The following NCOA6 variants were observed in gnomAD, a reference collection of about 807,000 sequenced individuals.
The protein encoded by NCOA6 is NRC RAP250.
NCOA6 carries 49 observed loss-of-function variants against 171.4 expected under a neutral mutation model. That is an observed-to-expected ratio of 0.29 (90% CI 0.23 to 0.36). The LOEUF (loss-of-function observed/expected upper bound fraction) is 0.36. NCOA6 is among the 10% of genes least tolerant of loss of function. NCOA6 has a pLI of 1.00. For missense variants in NCOA6, 2,248 were observed against 2,554.5 expected (o/e 0.88, Z 2.59); for synonymous variants, 910 against 927.5 (o/e 0.98, Z 0.34).
At chr20:34,788,629 T>A (rs2077762196) in intron 2 of NCOA6, among the ~76,000 whole-genome samples, 1 of 152,144 alleles carries the variant, frequency 6.6e-6, no homozygotes, top group South Asian at 2.1e-4. Flanking sequence ...TCCTACCTCA[T>A]ATTTAGGCTT....
At chr20:34,732,792 T>C in intron 12 of NCOA6, 197 bp from the exon 13 acceptor site, 1 of 484,728 alleles carries the variant, frequency 2.1e-6, no homozygotes, top group Admixed American at 3.7e-5. Context: ...ACTTGGTCTA[T>C]TTTTATTTCT....
rs2075820914 is a variant in NCOA6, at chr20:34,732,598, G to A, written c.5963-3C>T. 1 of 1,612,396 alleles carries A rather than the reference G, an allele frequency of 6.2e-7. No individual in the cohort carries two copies. Among genetic ancestry groups the A allele is most frequent in the Non-Finnish European group, 8.5e-7 (1 of 1,178,976 alleles). On this transcript the variant is annotated splice_region_variant and splice_polypyrimidine_tract_variant and intron_variant, in intron 12 of 14. Transcript: ENST00000359003. ...TATGGCAGCATTTACCTCCAGCTCT[G>A]CAAAAAAATATAAAGGATAGAAATG...
intron 14 of NCOA6, among the ~76,000 whole-genome samples, chr20:34,720,055 CCTTAA>C (rs1989131979): frequency 6.6e-6 from 1 of 152,150 alleles, no homozygotes; most frequent in Admixed American, 6.5e-5. Context: ...TCTGAACTTT[CCTTAA>C]ATTAACATAT....
chr20:34,764,357 G>A (rs1171357718), intron 5 of NCOA6, among the ~76,000 whole-genome samples: 1 of 152,112 alleles, frequency 6.6e-6, no homozygotes, highest in Non-Finnish European at 1.5e-5. Flanking sequence ...AAAGTGCTGG[G>A]ATTACGGGTG....
chr20:34,719,326 A>C (rs1433142675), intron 14 of NCOA6, among the ~76,000 whole-genome samples: 1 of 152,070 alleles, frequency 6.6e-6, no homozygotes, highest in African/African-American at 2.4e-5. Context: ...ACGTCTAAGT[A>C]ATTGTAAAAA....
chr20:34,786,405 G>C (rs1192866301), intron 2 of NCOA6, among the ~76,000 whole-genome samples: 1 of 151,866 alleles, frequency 6.6e-6, no homozygotes, highest in Admixed American at 6.6e-5. Flanking sequence ...GGGTTTATTT[G>C]CTCTTCATTT....
chr20:34,725,633 G>T (rs969545817), intron 14 of NCOA6, among the ~76,000 whole-genome samples: 1 of 152,196 alleles, frequency 6.6e-6, no homozygotes, highest in Non-Finnish European at 1.5e-5. Flanking sequence ...AAGCTAGTGG[G>T]TAGTAGTGAA....
At chr20:34,813,447 C>T (rs2078736765) in intron 1 of NCOA6, among the ~76,000 whole-genome samples, 1 of 141,070 alleles carries the variant, frequency 7.1e-6, no homozygotes, top group Non-Finnish European at 1.5e-5. Flanking sequence ...GTCTGGGCAA[C>T]AGAGTGAAAC....
Position 34,740,430 on chromosome 20 carries a change from A to G in NCOA6, c.5826T>C (p.Ser1942=). ...TTKSNHGGIA[S]ESLAGGLVEE... is the part of the protein sequence containing the mutation. The stretch of plus-strand genomic sequence containing the variant: ...CCACTAGGCCACCCGCAAGTGACTC[A>G]GATGCTATGCCACCATGATTGCTTT... The change falls in exon 11 of 15, where the codon TCT becomes TCC. Residue 1942 remains serine (S), a synonymous_variant. Transcript: ENST00000359003. The G allele has an allele frequency of 1.2e-6, 2 of 1,614,196 alleles. No individual in the cohort carries two copies. The highest frequency in any genetic ancestry group is 1.7e-6 in the Non-Finnish European group (2 of 1,180,034).
At chr20:34,744,443 T>C (rs1301496811) in intron 10 of NCOA6, among the ~76,000 whole-genome samples, 1 of 152,184 alleles carries the variant, frequency 6.6e-6, no homozygotes, top group African/African-American at 2.4e-5. Flanking sequence ...TTCCACAAAC[T>C]AGATTTATTC....
chr20:34,800,985 T>G (rs184517680), intron 1 of NCOA6, among the ~76,000 whole-genome samples: 70 of 152,312 alleles, frequency 4.6e-4, no homozygotes, highest in Admixed American at 4.4e-3. Flanking sequence ...TATTAAAATT[T>G]TTTTTAATTG....
chr20:34,775,452 G>A (rs569078471), intron 4 of NCOA6, among the ~76,000 whole-genome samples: 3 of 152,018 alleles, frequency 2.0e-5, no homozygotes, highest in South Asian at 2.1e-4. Flanking sequence ...TTGGGAGGCC[G>A]AGAGGGTGGA....
chr20:34,722,000 A>C (rs914328623), intron 14 of NCOA6, among the ~76,000 whole-genome samples: 2 of 132,226 alleles, frequency 1.5e-5, no homozygotes, highest in African/African-American at 5.6e-5. Context: ...GGCTGCAGTG[A>C]GTGATGATAG....
intron 5 of NCOA6, among the ~76,000 whole-genome samples, chr20:34,766,737 T>C (rs993812314): frequency 3.3e-5 from 5 of 152,194 alleles, no homozygotes; most frequent in African/African-American, 1.2e-4. Context: ...TAAAGATGTT[T>C]ATAGGCAACT....
In NCOA6 at chr20:34,743,012, G is replaced by C; in HGVS notation, c.3244C>G (p.Leu1082Val). 6.2e-7 allele frequency: 1 copy of C among 1,613,664 alleles called. No individual in the cohort carries two copies. Among genetic ancestry groups the C allele is most frequent in the South Asian group, 1.1e-5 (1 of 91,020 alleles). Residue 1082 changes from leucine to valine, a missense_variant, in exon 11 of 15, where the codon CTG (leucine) becomes GTG (valine). Leu to Val is a conservative substitution (Grantham distance 32). This residue lies in a region of NCOA6 where 352 missense variants were observed against 419.1 expected (regional missense o/e 0.84). Transcript: ENST00000359003. ...GGTGGCACGGAGGCAGGTCCTTGCAGACTGACCATGACAGGCACACTGCCA... is the reference window on the plus strand; with the variant it reads ...GGTGGCACGGAGGCAGGTCCTTGCACACTGACCATGACAGGCACACTGCCA... Reference protein sequence around the residue: ...QSGSVPVMVSLQGPASVPPSP... With the variant: ...QSGSVPVMVSVQGPASVPPSP...
rs1377982369 is a variant in NCOA6 at position 34,807,070 on chromosome 20, G to A, written c.-163-14507C>T. ...TTCTAACTAACGGACTATGGAAAATGTGATAGGATGCCACTCCATGATTAT... is the reference window on the plus strand; with the variant it reads ...TTCTAACTAACGGACTATGGAAAATATGATAGGATGCCACTCCATGATTAT... On this transcript the variant is annotated intron_variant, in intron 1 of 14. Transcript: ENST00000359003. 3.3e-5 allele frequency among the ~76,000 whole-genome samples: 5 copies of A among 152,180 alleles called. No individual in the cohort carries two copies. In the South Asian group the frequency reaches 1.0e-3, roughly 31 times the overall value.
rs767972974 is a variant in NCOA6, at chr20:34,740,670, C to T, written c.5586G>A (p.Pro1862=). The T allele has an allele frequency of 1.8e-5, 29 of 1,614,030 alleles. No individual in the cohort carries two copies. In the South Asian group the frequency reaches 2.1e-4, roughly 12 times the overall value. Residue 1862 remains proline, a synonymous_variant, in exon 11 of 15, where the codon CCG becomes CCA. Coordinates refer to ENST00000359003, the MANE Select transcript of NCOA6 (RefSeq NM_014071.5). ...TEGQGLDTTA[P]GLMGTEQLST... is the part of the protein sequence containing the mutation. ...ATAACTGCTCTGTTCCCATGAGCCCCGGAGCTGTGGTGTCTAGCCCTTGGC... is the reference window on the plus strand; with the variant it reads ...ATAACTGCTCTGTTCCCATGAGCCCTGGAGCTGTGGTGTCTAGCCCTTGGC...
At chr20:34,721,238 CAAAAAAAAAAA>C (rs10531679) in intron 14 of NCOA6, among the ~76,000 whole-genome samples, 23 of 66,052 alleles carry the variant, frequency 3.5e-4, no homozygotes, top group Middle Eastern at 0.012. Context: ...TTCCTCTATA[CAAAAAAAAAAA>C]AAAAAAAAAA....
chr20:34,759,576 A>T (rs1221564071), intron 5 of NCOA6, among the ~76,000 whole-genome samples: 1 of 152,144 alleles, frequency 6.6e-6, no homozygotes, highest in African/African-American at 2.4e-5. Flanking sequence ...ATCTTTGTAT[A>T]AATGGCACCT....
Sources: gnomAD v4.1 joint callset for allele counts (sites outside exome capture counted in the v4.1 genomes callset) on GRCh38, gnomAD v4.1.1 for gene constraint, gnomAD v4.1.1 regional missense constraint, MANE v1.5 for transcripts, NCBI Gene and HGNC (gene_info 2026-07-23, HGNC 2026-07-21) for gene names.